SLC35F4: variants seen among roughly 807,000 people sequenced by gnomAD.
SLC35F4 encodes chromosome 14 open reading frame 36.
Under a neutral mutation model 44.2 loss-of-function variants are expected in SLC35F4, and 24 were observed. The observed-to-expected ratio is 0.54, with a 90% CI of 0.39 to 0.76. The LOEUF (loss-of-function observed/expected upper bound fraction) is 0.76, where lower values mean the gene tolerates loss of function less well. Among genes scored for constraint, SLC35F4 ranks in the 30% least tolerant of loss-of-function variants. The pLI, the probability that SLC35F4 is intolerant of heterozygous loss-of-function variation, is 0.00. For missense variants in SLC35F4, 562 were observed against 586.1 expected (o/e 0.96, Z 0.42); for synonymous variants, 238 against 223.6 (o/e 1.06, Z -0.57).
At chr14:57,590,843 C>CA (rs1168050860) in intron 2 of SLC35F4, among the ~76,000 whole-genome samples, 1 of 152,178 alleles carries the variant, frequency 6.6e-6, no homozygotes, top group Non-Finnish European at 1.5e-5. Flanking sequence ...TTTGTGTCTC[C>CA]AGAGCCTACT....
intron 1 of SLC35F4, among the ~76,000 whole-genome samples, chr14:57,748,082 T>C (rs1462146169): frequency 1.3e-5 from 2 of 152,286 alleles, no homozygotes. Context: ...TAGGCTCAAG[T>C]TGTAGAACTC....
chr14:57,894,271 T>C (rs1348059060), intron 1 of SLC35F4, among the ~76,000 whole-genome samples: 2 of 152,094 alleles, frequency 1.3e-5, no homozygotes, highest in Non-Finnish European at 2.9e-5. Flanking sequence ...TTCATGACTT[T>C]TGGAACTGAT....
chr14:57,632,637 A>G (rs1222910070), intron 1 of SLC35F4, among the ~76,000 whole-genome samples: 1 of 152,072 alleles, frequency 6.6e-6, no homozygotes, highest in Non-Finnish European at 1.5e-5. Context: ...ATGAACCTAC[A>G]TGAACACTGC....
At chr14:57,609,366 T>A (rs955450335) in intron 1 of SLC35F4, among the ~76,000 whole-genome samples, 1 of 152,182 alleles carries the variant, frequency 6.6e-6, no homozygotes, top group Non-Finnish European at 1.5e-5. Context: ...GGGAAACTGG[T>A]TTGGCATGTT....
intron 1 of SLC35F4, among the ~76,000 whole-genome samples, chr14:57,914,113 C>T (rs1889269999): frequency 6.6e-6 from 1 of 152,120 alleles, no homozygotes; most frequent in African/African-American, 2.4e-5. Flanking sequence ...AGAATACCAC[C>T]AGTGGGTAAC....
chr14:57,660,288 A>G (rs1218738556), intron 1 of SLC35F4, among the ~76,000 whole-genome samples: 1 of 152,172 alleles, frequency 6.6e-6, no homozygotes, highest in East Asian at 1.9e-4. Context: ...GTATACAAAT[A>G]AAACAACAAA....
intron 1 of SLC35F4, among the ~76,000 whole-genome samples, chr14:57,883,837 C>T (rs1888592686): frequency 1.3e-5 from 2 of 152,196 alleles, no homozygotes; most frequent in African/African-American, 2.4e-5. Context: ...AGTTTCACTT[C>T]AGCTATTCAC....
Position 57,857,553 on chromosome 14 carries a change from G to A in SLC35F4, c.103+8170C>T, listed in dbSNP as rs548196458. Among the ~76,000 whole-genome samples the A allele has an allele frequency of 6.6e-5, 10 of 151,438 alleles. No homozygotes were observed. In the South Asian group the frequency reaches 1.2e-3, roughly 19 times the overall value. On this transcript the variant is annotated intron_variant, in intron 1 of 7. Coordinates refer to ENST00000556826, the MANE Select transcript of SLC35F4 (RefSeq NM_001306087.2). ...TCAAATGGAACTAAATATTTCATTC[G>A]TTAGCACAATAAACTTTATTGAGCA...
At chr14:57,731,411 T>G (rs1225542754) in intron 1 of SLC35F4, among the ~76,000 whole-genome samples, 1 of 152,212 alleles carries the variant, frequency 6.6e-6, no homozygotes, top group East Asian at 1.9e-4. Flanking sequence ...TCTCTCCTAC[T>G]GAGAGGGTTC....
intron 1 of SLC35F4, among the ~76,000 whole-genome samples, chr14:57,680,104 C>T (rs1045026667): frequency 6.6e-6 from 1 of 152,100 alleles, no homozygotes; most frequent in African/African-American, 2.4e-5. Context: ...ACCTGATGAA[C>T]ATTGACACAA....
chr14:57,613,394 C>T (rs1360783129), intron 1 of SLC35F4, among the ~76,000 whole-genome samples: 2 of 152,144 alleles, frequency 1.3e-5, no homozygotes, highest in Non-Finnish European at 2.9e-5. Flanking sequence ...GCCTGTCATA[C>T]ACTCCCCTGA....
At position 57,756,787 on chromosome 14, in the gene SLC35F4, TG is replaced by T. The variant is rs1660649100; in HGVS notation, c.103+108935del. ...CTCCCATCTTGGCCTCCCAAGTAGT[TG>T]GGACCGCAGGCATGCACCACCAAAT... On this transcript the variant is annotated intron_variant, in intron 1 of 7. Transcript: ENST00000556826. Among the ~76,000 whole-genome samples the T allele has an allele frequency of 2.6e-5, 4 of 151,950 alleles. No individual in the cohort carries two copies. The South Asian group carries it at 8.3e-4, about 32-fold the overall frequency.
chr14:57,937,200 T>C lies in SLC35F4; in HGVS notation n.282+44713A>G, dbSNP rs529215417. ...CTCCTGCCTCAGTCTCCCGAGTAGC[T>C]GGGATTACAGGCATGCGCCACTACG... is the stretch of plus-strand genomic sequence containing the variant. On this transcript the variant is annotated intron_variant and non_coding_transcript_variant, in intron 1 of 1. Transcript: ENST00000556568. 1.4e-3 allele frequency among the ~76,000 whole-genome samples: 211 copies of C among 152,162 alleles called. 1 individual carries two copies. The highest frequency in any genetic ancestry group is 2.4e-3 in the Non-Finnish European group (163 of 68,000).
intron 1 of SLC35F4, among the ~76,000 whole-genome samples, chr14:57,622,857 C>A (rs1012342409): frequency 1.2e-4 from 18 of 151,610 alleles, no homozygotes; most frequent in South Asian, 4.2e-4. Context: ...ATTAAAAAAA[C>A]CCCACCAAAT....
At chr14:57,826,077 C>CA (rs1471995616) in intron 1 of SLC35F4, among the ~76,000 whole-genome samples, 1 of 152,076 alleles carries the variant, frequency 6.6e-6, no homozygotes, top group Non-Finnish European at 1.5e-5. Flanking sequence ...GCAAAAAGAA[C>CA]AAAGCTGGAG....
intron 1 of SLC35F4, among the ~76,000 whole-genome samples, chr14:57,816,544 G>A (rs1465364988): frequency 6.6e-6 from 1 of 152,160 alleles, no homozygotes; most frequent in Non-Finnish European, 1.5e-5. Context: ...TTTTGTAGAT[G>A]CTAATTTCTT....
intron 1 of SLC35F4, among the ~76,000 whole-genome samples, chr14:57,767,139 G>A (rs970977034): frequency 4.5e-4 from 68 of 152,248 alleles, no homozygotes; most frequent in African/African-American, 1.5e-3. Flanking sequence ...AGTTAGAGTT[G>A]GGGATTTTGA....
At chr14:57,963,573 C>T (rs1364035338) in intron 1 of SLC35F4, among the ~76,000 whole-genome samples, 1 of 152,096 alleles carries the variant, frequency 6.6e-6, no homozygotes, top group Non-Finnish European at 1.5e-5. Context: ...TTCGTGGAGT[C>T]GGTCAGCCTA....
At chr14:57,683,546 C>T (rs553638416) in intron 1 of SLC35F4, among the ~76,000 whole-genome samples, 4 of 152,184 alleles carry the variant, frequency 2.6e-5, no homozygotes, top group Admixed American at 2.0e-4. Context: ...GGGTATATAC[C>T]AGGTTGCAGA....
Sources: allele counts gnomAD v4.1 joint callset (sites outside exome capture counted in the v4.1 genomes callset), GRCh38; gene constraint gnomAD v4.1.1; transcripts MANE v1.5; gene names NCBI Gene and HGNC (gene_info 2026-07-23, HGNC 2026-07-21).